The following NDUFA12 variants were observed in gnomAD, a reference collection of about 807,000 sequenced individuals.
The protein encoded by NDUFA12 is NADH dehydrogenase [ubiquinone] 1 alpha subcomplex subunit 12.
A neutral mutation model predicts 20.3 loss-of-function variants in NDUFA12; 17 were observed. That is an observed-to-expected ratio of 0.84 (90% confidence interval 0.57 to 1.26). NDUFA12 has a LOEUF of 1.26. Among genes scored for constraint, NDUFA12 ranks in the 50% most tolerant of loss-of-function variants. The probability of loss-of-function intolerance (pLI) is 0.00; values close to 1 mark genes in which losing one functional copy is unlikely to be tolerated. For synonymous variants in NDUFA12, 72 were observed against 63.6 expected (o/e 1.13, Z -0.63); for missense variants, 191 against 183.7 (o/e 1.04, Z -0.23).
chr12:94,993,587 T>C (rs9739426), intron 3 of NDUFA12, among the ~76,000 whole-genome samples: 52,174 of 126,136 alleles, frequency 0.41, 10,544 homozygotes, highest in East Asian at 0.59. Context: ...ATCATGCCAC[T>C]GCACTCTAGC....
At chr12:94,990,074 C>G (rs527298582) in intron 3 of NDUFA12, among the ~76,000 whole-genome samples, 1 of 152,152 alleles carries the variant, frequency 6.6e-6, no homozygotes, top group Non-Finnish European at 1.5e-5. Flanking sequence ...ATAGAATGCC[C>G]CTTTGGAGAA....
rs1382873070 is a variant in NDUFA12, at chr12:95,003,580, G to A, written c.86+15C>T. ...TCCAGCCCCAGAGGCCAAGAGCATG[G>A]CTCTGGCCGCCTACCTGAAAAAAAC... On this transcript the variant is annotated intron_variant, in intron 1 of 3. Coordinates refer to ENST00000327772, the MANE Select transcript of NDUFA12 (RefSeq NM_018838.5). 1.2e-6 allele frequency: 2 copies of A among 1,613,120 alleles called. No homozygotes were observed. Among genetic ancestry groups the A allele is most frequent in the Non-Finnish European group, 1.7e-6 (2 of 1,179,186 alleles).
chr12:94,983,514 T>A (rs1276351656), intron 3 of NDUFA12, among the ~76,000 whole-genome samples: 1 of 152,098 alleles, frequency 6.6e-6, no homozygotes, highest in African/African-American at 2.4e-5. Context: ...TGGCAGTGGG[T>A]CCTTCCCAAG....
intron 3 of NDUFA12, among the ~76,000 whole-genome samples, chr12:94,972,965 A>T (rs1229455555): frequency 6.6e-6 from 1 of 151,950 alleles, no homozygotes; most frequent in East Asian, 1.9e-4. Context: ...CTCACAAGAC[A>T]GAGATGACCT....
rs1351562328 is a variant in NDUFA12, at chr12:94,971,362, T to C, written c.*78A>G. 9 of 1,460,528 alleles carry C rather than the reference T, an allele frequency of 6.2e-6. No individual in the cohort carries two copies. Among genetic ancestry groups the C allele is most frequent in the Admixed American group, 3.4e-5 (2 of 59,530 alleles). The allele number at this position is 1,460,528 out of a possible 1,614,324, so 90.5% of individuals were successfully genotyped here. A position where few individuals can be genotyped will look rare whatever the true frequency, so the allele number is the denominator to read the frequency against. On this transcript the variant is annotated 3_prime_UTR_variant, in exon 4 of 4. Transcript: ENST00000327772. Reference sequence around the variant, plus strand: ...GTCACACAATTTTAATTGTGAATTATAGTGAATGGTAAACAGTAAAAGAGT... The same window carrying C: ...GTCACACAATTTTAATTGTGAATTACAGTGAATGGTAAACAGTAAAAGAGT...
chr12:94,994,395 C>T, intron 2 of NDUFA12, 138 bp from the exon 3 acceptor site: 2 of 661,376 alleles, frequency 3.0e-6, no homozygotes, highest in Non-Finnish European at 5.1e-6. Flanking sequence ...AGGAATAACA[C>T]CCTGGGTGAA....
chr12:94,994,296 T>TC, intron 2 of NDUFA12, 39 bp from the exon 3 acceptor site: 1 of 1,538,586 alleles, frequency 6.5e-7, no homozygotes, highest in Non-Finnish European at 9.0e-7. Flanking sequence ...AAAAACTTTT[T>TC]TTTTTAAAGC....
chr12:95,002,916 G>A (rs1213432272), intron 1 of NDUFA12, 95 bp from the exon 2 acceptor site: 2 of 1,038,598 alleles, frequency 1.9e-6, no homozygotes, highest in Non-Finnish European at 3.0e-6. Flanking sequence ...TCAGACACAA[G>A]GGCTGCTGCA....
At chr12:94,977,929 G>A (rs55701349) in intron 3 of NDUFA12, among the ~76,000 whole-genome samples, 1 of 152,168 alleles carries the variant, frequency 6.6e-6, no homozygotes, top group African/African-American at 2.4e-5. Context: ...ACCACCTGAA[G>A]AGCCACCAGA....
intron 2 of NDUFA12, among the ~76,000 whole-genome samples, chr12:94,996,324 T>TACACACACACACACACACACACAC (rs71075891): frequency 1.4e-5 from 2 of 141,184 alleles, no homozygotes; most frequent in African/African-American, 2.6e-5. Context: ...CATATATAGG[T>TACACACACACACACACACACACAC]ACACACACAC....
At chr12:94,990,923 T>A (rs1874620010) in intron 3 of NDUFA12, among the ~76,000 whole-genome samples, 1 of 152,144 alleles carries the variant, frequency 6.6e-6, no homozygotes, top group Admixed American at 6.6e-5. Flanking sequence ...TTCTGTCCAA[T>A]CGAGTAGCCT....
intron 2 of NDUFA12, 152 bp from the exon 3 acceptor site, chr12:94,994,409 G>A (rs921943967): frequency 1.5e-5 from 9 of 617,076 alleles, no homozygotes; most frequent in South Asian, 7.8e-5. Flanking sequence ...GGGTGAATTC[G>A]TGAAGGTAAG....
chr12:94,984,736 A>AAAAAAAAAAAAAAAAAAAAAC (rs36013656), intron 3 of NDUFA12, among the ~76,000 whole-genome samples: 1 of 74,136 alleles, frequency 1.3e-5, no homozygotes, highest in Non-Finnish European at 2.4e-5. Flanking sequence ...ACAACAAAAA[A>AAAAAAAAAAAAAAAAAAAAAC]CCCATATATA....
At chr12:95,000,319 T>C (rs180946425) in intron 2 of NDUFA12, among the ~76,000 whole-genome samples, 15 of 152,256 alleles carry the variant, frequency 9.9e-5, no homozygotes, top group Non-Finnish European at 1.9e-4. Context: ...CTTTGGGGAC[T>C]CAAGGGGATA....
intron 3 of NDUFA12, among the ~76,000 whole-genome samples, chr12:94,988,722 C>T (rs1874535206): frequency 6.6e-6 from 1 of 152,160 alleles, no homozygotes; most frequent in Non-Finnish European, 1.5e-5. Flanking sequence ...GTAGCAGTTA[C>T]ATCAGACTGA....
Position 94,977,765 on chromosome 12 carries a change from A to C in NDUFA12, c.258-6145T>G, listed in dbSNP as rs904766708. Among the ~76,000 whole-genome samples, 9 of 152,216 alleles carry C rather than the reference A, an allele frequency of 5.9e-5. No individual in the cohort carries two copies. In the East Asian group the frequency reaches 1.7e-3, roughly 29 times the overall value. On this transcript the variant is annotated intron_variant, in intron 3 of 3. Transcript: ENST00000327772. ...ATCTATTGCAGAAATACTATGTGGTAGGCACTGTTCCAACATGGTATTTGG... is the reference window on the plus strand; with the variant it reads ...ATCTATTGCAGAAATACTATGTGGTCGGCACTGTTCCAACATGGTATTTGG...
intron 3 of NDUFA12, among the ~76,000 whole-genome samples, chr12:94,983,157 C>A (rs1288179358): frequency 6.6e-6 from 1 of 152,110 alleles, no homozygotes; most frequent in African/African-American, 2.4e-5. Flanking sequence ...ATATTGAAGT[C>A]ATCCTTGACT....
Position 94,971,343 on chromosome 12 carries a change from C to A in NDUFA12, c.*97G>T. On this transcript the variant is annotated 3_prime_UTR_variant, in exon 4 of 4. Coordinates refer to ENST00000327772, the MANE Select transcript of NDUFA12 (RefSeq NM_018838.5). Reference sequence around the variant, plus strand: ...GCACGAAAGACATTGTTTAGTCACACAATTTTAATTGTGAATTATAGTGAA... The same window carrying A: ...GCACGAAAGACATTGTTTAGTCACAAAATTTTAATTGTGAATTATAGTGAA... The A allele has an allele frequency of 7.1e-7, 1 of 1,405,654 alleles. No individual in the cohort carries two copies. The highest frequency in any genetic ancestry group is 1.4e-5 in the African/African-American group (1 of 70,516). The allele number at this position is 1,405,654 out of a possible 1,614,324, so 87.1% of individuals were successfully genotyped here.
intron 3 of NDUFA12, among the ~76,000 whole-genome samples, chr12:94,983,384 T>G (rs2367000): frequency 0.87 from 132,307 of 152,200 alleles, 57,611 homozygotes; most frequent in Admixed American, 0.9. Flanking sequence ...AAAAGACTGT[T>G]CCTTCCACCT....
Sources: gnomAD v4.1 joint callset for allele counts (sites outside exome capture counted in the v4.1 genomes callset) on GRCh38, gnomAD v4.1.1 for gene constraint, MANE v1.5 for transcripts, NCBI Gene and HGNC (gene_info 2026-07-23, HGNC 2026-07-21) for gene names.